Variants in PTRHD1 observed in about 807,000 individuals in gnomAD.
PTRHD1 encodes the protein peptidyl-tRNA hydrolase domain containing 1, also known as putative peptidyl-tRNA hydrolase PTRHD1.
Under a neutral mutation model 13.6 loss-of-function variants are expected in PTRHD1, and 12 were observed. The ratio of observed to expected loss-of-function variants is 0.88; its 90% CI spans 0.57 to 1.43. The LOEUF (loss-of-function observed/expected upper bound fraction) is 1.43, where lower values mean the gene tolerates loss of function less well. PTRHD1 is among the 40% of genes most tolerant of loss of function. PTRHD1 has a pLI of 0.00. For missense variants in PTRHD1, 203 were observed against 184.7 expected (o/e 1.10, Z -0.57); for synonymous variants, 86 against 79.5 (o/e 1.08, Z -0.43).
chr2:24,792,049 A>C (rs1307948961), intron 1 of PTRHD1, among the ~76,000 whole-genome samples: 1 of 152,174 alleles, frequency 6.6e-6, no homozygotes, highest in Non-Finnish European at 1.5e-5. Flanking sequence ...GTCTAACCTG[A>C]TTTCTTGAGA....
rs1387817972 is a variant in PTRHD1, at chr2:24,790,447, C to A, written c.387G>T (p.Val129=). 10 of 1,614,148 alleles carry A rather than the reference C, an allele frequency of 6.2e-6. No individual in the cohort carries two copies. Among genetic ancestry groups the A allele is most frequent in the Non-Finnish European group, 7.6e-6 (9 of 1,180,026 alleles). Residue 129 remains valine, a synonymous_variant, in exon 2 of 2, where the codon GTG becomes GTT. Coordinates refer to ENST00000328379, the MANE Select transcript of PTRHD1 (RefSeq NM_001013663.2). ...ATCGGAACTTCTTCAAATACTGGCC[C>A]ACTTCTTCCTTGGGGTAGGGCCGGA... The part of the protein sequence containing the change: ...IALRPYPKEE[V]GQYLKKFRLF...
intron 1 of PTRHD1, chr2:24,792,876 G>C: frequency 1.7e-6 from 1 of 581,048 alleles, no homozygotes; most frequent in Non-Finnish European, 3.1e-6. Flanking sequence ...GTGCACAGGC[G>C]GAACAGCGGG....
In PTRHD1 at chr2:24,790,530, T is replaced by A. The variant is rs1327465379; in HGVS notation, c.304A>T (p.Asn102Tyr). 6.2e-7 allele frequency: 1 copy of A among 1,614,198 alleles called. No homozygotes were observed. Among genetic ancestry groups the A allele is most frequent in the South Asian group, 1.1e-5 (1 of 91,082 alleles). The part of the protein sequence containing the change: ...KELAETLQQK[N>Y]IDHMLWLEQP... Reference sequence around the variant, plus strand: ...TCAAGCCACAGCATGTGGTCAATGTTCTTCTGTTGCAGGGTCTCGGCCAGC... The same window carrying A: ...TCAAGCCACAGCATGTGGTCAATGTACTTCTGTTGCAGGGTCTCGGCCAGC... Residue 102 changes from asparagine to tyrosine, a missense_variant, in exon 2 of 2, where the codon AAC becomes TAC. Asn to Tyr is a moderately radical substitution (Grantham distance 143). Transcript: ENST00000328379.
At chr2:24,790,630 TGTC>T in intron 1 of PTRHD1, 49 bp from the exon 2 acceptor site, 1 of 1,556,684 alleles carries the variant, frequency 6.4e-7, no homozygotes, top group Admixed American at 2.0e-5. Context: ...ACTTAGGAAG[TGTC>T]AAAAGGCCAA....
At position 24,789,874 on chromosome 2, in the gene PTRHD1, G is replaced by C. The variant is rs565030489; in HGVS notation, c.*537C>G. ...AGGCTGGAGTGCGGTGGCATGATTA[G>C]AACTGACTGTAACCTTGAACTCATG... is the stretch of plus-strand genomic sequence containing the variant. On this transcript the variant is annotated 3_prime_UTR_variant, in exon 2 of 2. Transcript: ENST00000328379. The C allele has an allele frequency of 6.5e-6, 1 of 154,010 alleles. No homozygotes were observed. Among genetic ancestry groups the C allele is most frequent in the East Asian group, 1.9e-4 (1 of 5,276 alleles). 9.5% of individuals were successfully genotyped at this position (154,010 alleles called of 1,614,324 possible).
intron 1 of PTRHD1, 80 bp downstream of exon 1, chr2:24,793,046 A>T: frequency 6.7e-7 from 1 of 1,490,858 alleles, no homozygotes; most frequent in Non-Finnish European, 9.0e-7. Context: ...CACTCCCCGC[A>T]GCCAGGCCTT....
rs1337509847 is a variant in PTRHD1, at chr2:24,793,201, C to T, written c.177G>A (p.Leu59=). 6.2e-7 allele frequency: 1 copy of T among 1,612,810 alleles called. No individual in the cohort carries two copies. The highest frequency in any genetic ancestry group is 8.5e-7 in the Non-Finnish European group (1 of 1,179,752). Reference sequence around the variant, plus strand: ...TGTGCGGGTGGTCGCGGTGAGTGTGCAAGGCCGCGGTGGCCGCGTGACAAG... The same window carrying T: ...TGTGCGGGTGGTCGCGGTGAGTGTGTAAGGCCGCGGTGGCCGCGTGACAAG... ...AQACHAATAA[L]HTHRDHPHTA... is the part of the protein sequence containing the mutation. Residue 59 remains leucine (L), a synonymous_variant, in exon 1 of 2, where the codon TTG becomes TTA. Coordinates refer to ENST00000328379, the MANE Select transcript of PTRHD1 (RefSeq NM_001013663.2).
chr2:24,793,170 C>T lies in PTRHD1; in HGVS notation c.208G>A (p.Ala70Thr), dbSNP rs1404794103. ...HTHRDHPHTA[A>T]YLQELGRMRK... ...ATGCGCCCCAGCTCTTGGAGGTAAG[C>T]GGCTGTGTGCGGGTGGTCGCGGTGA... The change falls in exon 1 of 2, where the codon GCT becomes ACT. Residue 70 changes from alanine to threonine, a missense_variant. By Grantham distance (58) the Ala-to-Thr change is moderately conservative (BLOSUM62 0). Coordinates refer to ENST00000328379, the MANE Select transcript of PTRHD1 (RefSeq NM_001013663.2). 4 of 1,613,424 alleles carry T rather than the reference C, an allele frequency of 2.5e-6. No individual in the cohort carries two copies. Among genetic ancestry groups the T allele is most frequent in the Non-Finnish European group, 3.4e-6 (4 of 1,179,878 alleles).
rs377555630 is a variant in PTRHD1 at position 24,790,386 on chromosome 2, G to A, written c.*25C>T. 1.0e-4 allele frequency: 165 copies of A among 1,606,046 alleles called. No homozygotes were observed. In the African/African-American group the frequency reaches 1.4e-3, roughly 14 times the overall value. Reference sequence around the variant, plus strand: ...TGATGCTTTGGAATGGGTGGCCTGCGTATTCAAACACATCAAAGCAGCAGT... The same window carrying A: ...TGATGCTTTGGAATGGGTGGCCTGCATATTCAAACACATCAAAGCAGCAGT... On this transcript the variant is annotated 3_prime_UTR_variant, in exon 2 of 2. Transcript: ENST00000328379.
In PTRHD1 at chr2:24,790,264, T is replaced by C. The variant is rs1006953576; in HGVS notation, c.*147A>G. The C allele has an allele frequency of 9.8e-6, 8 of 812,992 alleles. No homozygotes were observed. The Admixed American group carries it at 1.2e-4, about 12-fold the overall frequency. The allele number at this position is 812,992 out of a possible 1,614,324, so 50.4% of individuals were successfully genotyped here. ...ACTTGAACTTATTAATAAGAGGAAGTAGTTATTAATGACAACTTTAATATG... is the reference window on the plus strand; with the variant it reads ...ACTTGAACTTATTAATAAGAGGAAGCAGTTATTAATGACAACTTTAATATG... On this transcript the variant is annotated 3_prime_UTR_variant, in exon 2 of 2. Coordinates refer to ENST00000328379, the MANE Select transcript of PTRHD1 (RefSeq NM_001013663.2).
chr2:24,793,369 C>A lies in PTRHD1; in HGVS notation c.9G>T (p.Arg3=). 6.2e-7 allele frequency: 1 copy of A among 1,613,496 alleles called. No homozygotes were observed. Among genetic ancestry groups the A allele is most frequent in the Non-Finnish European group, 8.5e-7 (1 of 1,179,902 alleles). The change falls in exon 1 of 2, where the codon CGG becomes CGT. Residue 3 remains arginine, a synonymous_variant. Transcript: ENST00000328379. Reference sequence around the variant, plus strand: ...CCACCCGAAAGGCCGGACCTACTCCCCGGTGCATCTTGGGATCAGGGCGGG... The same window carrying A: ...CCACCCGAAAGGCCGGACCTACTCCACGGTGCATCTTGGGATCAGGGCGGG... MH[R]GVGPAFRVVR...
chr2:24,793,164 G>C lies in PTRHD1; in HGVS notation c.214C>G (p.Leu72Val). The change falls in exon 1 of 2, where the codon CTC becomes GTC. Residue 72 changes from leucine to valine, a missense_variant. Coordinates refer to ENST00000328379, the MANE Select transcript of PTRHD1 (RefSeq NM_001013663.2). The stretch of plus-strand genomic sequence containing the variant: ...TTGCGCATGCGCCCCAGCTCTTGGA[G>C]GTAAGCGGCTGTGTGCGGGTGGTCG... ...HRDHPHTAAY[L>V]QELGRMRKVV... The C allele has an allele frequency of 6.2e-7, 1 of 1,613,462 alleles. No homozygotes were observed. Among genetic ancestry groups the C allele is most frequent in the Non-Finnish European group, 8.5e-7 (1 of 1,179,872 alleles).
At chr2:24,792,241 C>A (rs1665645876) in intron 1 of PTRHD1, 1 of 152,334 alleles carries the variant, frequency 6.6e-6, no homozygotes, top group Non-Finnish European at 1.5e-5. Flanking sequence ...ACCCCTCCAC[C>A]TGAGTTCTGG....
intron 1 of PTRHD1, 139 bp from the exon 2 acceptor site, chr2:24,790,720 C>T (rs1665602338): frequency 2.8e-6 from 2 of 706,544 alleles, no homozygotes; most frequent in African/African-American, 3.6e-5. Context: ...GCAATGATGT[C>T]ATTCCGTGGT....
rs1030571693 is a variant in PTRHD1 at position 24,793,112 on chromosome 2, C to T, written c.252+14G>A. ...CGATGTCTCAGCACCTCCCCCTCCG[C>T]CCGAGTGCCTCACCTCGAGGACCAC... On this transcript the variant is annotated intron_variant, in intron 1 of 1. Coordinates refer to ENST00000328379, the MANE Select transcript of PTRHD1 (RefSeq NM_001013663.2). 4 of 1,607,618 alleles carry T rather than the reference C, an allele frequency of 2.5e-6. No homozygotes were observed. The East Asian group carries it at 6.7e-5, about 27-fold the overall frequency.
rs900343647 is a variant in PTRHD1, at chr2:24,792,502, T to C, written c.252+624A>G. 2.0e-5 allele frequency: 3 copies of C among 153,068 alleles called. No homozygotes were observed. The South Asian group carries it at 6.1e-4, about 31-fold the overall frequency. 9.5% of individuals were successfully genotyped at this position (153,068 alleles called of 1,614,324 possible). On this transcript the variant is annotated intron_variant, in intron 1 of 1. Transcript: ENST00000328379. ...GAGCACTCTTCCCGACCACTAAATA[T>C]GCTTCAAAACCATAAGGGCTCCCAT... is the stretch of plus-strand genomic sequence containing the variant.
chr2:24,792,384 C>A (rs1665652271), intron 1 of PTRHD1: 1 of 152,156 alleles, frequency 6.6e-6, no homozygotes, highest in Non-Finnish European at 1.5e-5. Context: ...AAAATCTCAC[C>A]ATGCACTACT....
intron 1 of PTRHD1, chr2:24,792,639 CA>C (rs1408351180): frequency 6.2e-6 from 1 of 160,030 alleles, no homozygotes; most frequent in African/African-American, 2.4e-5. Flanking sequence ...TGGTCATCTG[CA>C]AACAGAACCT....
intron 1 of PTRHD1, among the ~76,000 whole-genome samples, chr2:24,791,080 A>C (rs1164928630): frequency 6.6e-6 from 1 of 151,954 alleles, no homozygotes; most frequent in Non-Finnish European, 1.5e-5. Flanking sequence ...GCACACCACT[A>C]CACCTGGCTA....
Sources: allele counts gnomAD v4.1 joint callset (sites outside exome capture counted in the v4.1 genomes callset), GRCh38; gene constraint gnomAD v4.1.1; transcripts MANE v1.5; gene names NCBI Gene and HGNC (gene_info 2026-07-23, HGNC 2026-07-21).